The following DRC11 variants were observed in gnomAD, a reference collection of about 807,000 sequenced individuals.
DRC11 encodes dynein regulatory complex subunit 11.
the DRC11 span, among the ~76,000 whole-genome samples, chr2:236,452,293 G>T: frequency 6.6e-6 from 1 of 152,312 alleles, no homozygotes; most frequent in South Asian, 2.1e-4. The surrounding 1 kb of genome is among the most constrained non-coding windows in gnomAD (Gnocchi z 4.7). Flanking sequence ...CTACTACAAT[G>T]ATCAATCTTT....
At chr2:236,336,069 G>A in the DRC11 span, among the ~76,000 whole-genome samples, 1 of 152,128 alleles carries the variant, frequency 6.6e-6, no homozygotes, top group Non-Finnish European at 1.5e-5. The surrounding 1 kb of genome is among the most constrained non-coding windows in gnomAD (Gnocchi z 7.3). Flanking sequence ...GTTCATGGGG[G>A]ACGTTTTGAG....
chr2:236,394,756 C>T, the DRC11 span, among the ~76,000 whole-genome samples: 2 of 152,102 alleles, frequency 1.3e-5, no homozygotes, highest in Non-Finnish European at 2.9e-5. This position sits in a 1 kb window ranked among gnomAD's most constrained non-coding sequence, Gnocchi z 7.0. Context: ...GACTACGGCA[C>T]GGATGGCTCA....
chr2:236,336,356 A>C, the DRC11 span, among the ~76,000 whole-genome samples: 3 of 152,120 alleles, frequency 2.0e-5, no homozygotes, highest in Non-Finnish European at 2.9e-5. The surrounding 1 kb of genome is among the most constrained non-coding windows in gnomAD (Gnocchi z 7.3). Context: ...ACGTGATTGG[A>C]GAAGGAAGAA....
At chr2:236,340,370 C>T in the DRC11 span, among the ~76,000 whole-genome samples, 37 of 152,306 alleles carry the variant, frequency 2.4e-4, no homozygotes, top group East Asian at 4.1e-3. Flanking sequence ...GTGATCTGCC[C>T]GCTTCGGCCT....
the DRC11 span, among the ~76,000 whole-genome samples, chr2:236,409,982 T>G: frequency 1.3e-5 from 2 of 152,212 alleles, no homozygotes; most frequent in African/African-American, 4.8e-5. Context: ...CTGGATAAGC[T>G]TTTTGATGTG....
At chr2:236,447,853 G>A in the DRC11 span, among the ~76,000 whole-genome samples, 2 of 151,322 alleles carry the variant, frequency 1.3e-5, no homozygotes, top group East Asian at 1.9e-4. This position sits in a 1 kb window ranked among gnomAD's most constrained non-coding sequence, Gnocchi z 4.6. Context: ...TGCCTGTTGC[G>A]GCAATCTGAG....
the DRC11 span, chr2:236,454,878 C>T: frequency 3.3e-5 from 5 of 152,214 alleles, no homozygotes; most frequent in African/African-American, 1.2e-4. This position sits in a 1 kb window ranked among gnomAD's most constrained non-coding sequence, Gnocchi z 5.3. Context: ...AGGTTTTTAG[C>T]CAAGTTACCT....
At chr2:236,339,126 C>T in the DRC11 span, among the ~76,000 whole-genome samples, 5 of 152,150 alleles carry the variant, frequency 3.3e-5, no homozygotes, top group African/African-American at 4.8e-5. Context: ...CAAGCACAGT[C>T]GAGGCCATTT....
the DRC11 span, among the ~76,000 whole-genome samples, chr2:236,413,268 A>G: frequency 6.6e-6 from 1 of 152,250 alleles, no homozygotes; most frequent in Non-Finnish European, 1.5e-5. The surrounding 1 kb of genome is among the most constrained non-coding windows in gnomAD (Gnocchi z 4.0). Context: ...GAAAGTTTAC[A>G]AACAACTGCA....
chr2:236,500,115 T>C, the DRC11 span, among the ~76,000 whole-genome samples: 1 of 149,308 alleles, frequency 6.7e-6, no homozygotes, highest in Non-Finnish European at 1.5e-5. The surrounding 1 kb of genome is among the most constrained non-coding windows in gnomAD (Gnocchi z 6.3). Flanking sequence ...ATGATGATGA[T>C]GATGGCGAAG....
At chr2:236,415,641 G>A in the DRC11 span, among the ~76,000 whole-genome samples, 25 of 152,194 alleles carry the variant, frequency 1.6e-4, no homozygotes, top group African/African-American at 4.8e-4. The surrounding 1 kb of genome is among the most constrained non-coding windows in gnomAD (Gnocchi z 5.7). Flanking sequence ...TTCTGAAGGC[G>A]TTTCCCCTTC....
At chr2:236,314,972 G>A in the DRC11 span, among the ~76,000 whole-genome samples, 6 of 152,154 alleles carry the variant, frequency 3.9e-5, no homozygotes, top group Non-Finnish European at 8.8e-5. The surrounding 1 kb of genome is among the most constrained non-coding windows in gnomAD (Gnocchi z 4.5). Flanking sequence ...AGTGCAAAAT[G>A]TCAAGCATAT....
At chr2:236,486,019 AG>A in the DRC11 span, among the ~76,000 whole-genome samples, 2 of 152,186 alleles carry the variant, frequency 1.3e-5, no homozygotes, top group African/African-American at 4.8e-5. This position sits in a 1 kb window ranked among gnomAD's most constrained non-coding sequence, Gnocchi z 5.7. Context: ...GATAGGGCAA[AG>A]GTGATGGGAT....
the DRC11 span, among the ~76,000 whole-genome samples, chr2:236,311,032 T>A: frequency 2.6e-5 from 4 of 152,270 alleles, no homozygotes; most frequent in Admixed American, 2.6e-4. This position sits in a 1 kb window ranked among gnomAD's most constrained non-coding sequence, Gnocchi z 6.9. Context: ...GCTGTTTGAG[T>A]CAAGCGCCAA....
the DRC11 span, chr2:236,332,016 A>G: frequency 1.2e-5 from 2 of 164,130 alleles, no homozygotes; most frequent in African/African-American, 4.8e-5. The surrounding 1 kb of genome is among the most constrained non-coding windows in gnomAD (Gnocchi z 5.1). Context: ...TTTTAGATAT[A>G]AAGTTAATTT....
chr2:236,365,783 G>C, the DRC11 span, among the ~76,000 whole-genome samples: 1 of 152,094 alleles, frequency 6.6e-6, no homozygotes, highest in Non-Finnish European at 1.5e-5. This position sits in a 1 kb window ranked among gnomAD's most constrained non-coding sequence, Gnocchi z 7.4. Context: ...CCTCAGGGAG[G>C]ACAAAGGTGG....
At chr2:236,502,758 T>C in the DRC11 span, among the ~76,000 whole-genome samples, 1 of 151,572 alleles carries the variant, frequency 6.6e-6, no homozygotes, top group African/African-American at 2.4e-5. Flanking sequence ...AGTCACTATC[T>C]GCTCCTGTCT....
chr2:236,360,859 T>C, the DRC11 span, among the ~76,000 whole-genome samples: 2 of 152,166 alleles, frequency 1.3e-5, no homozygotes, highest in African/African-American at 2.4e-5. The surrounding 1 kb of genome is among the most constrained non-coding windows in gnomAD (Gnocchi z 5.8). Context: ...AGACCCATAT[T>C]AACAAAATGG....
chr2:236,484,317 C>T, the DRC11 span, among the ~76,000 whole-genome samples: 121 of 152,296 alleles, frequency 7.9e-4, no homozygotes, highest in Non-Finnish European at 1.3e-3. Flanking sequence ...TGATTCATGT[C>T]TTTTCCCCCT....
Sources: gnomAD v4.1 joint callset for allele counts (sites outside exome capture counted in the v4.1 genomes callset) on GRCh38, gnomAD v4.1.1 for gene constraint, Gnocchi (gnomAD v3.1) non-coding constraint, MANE v1.5 for transcripts, NCBI Gene and HGNC (gene_info 2026-07-23, HGNC 2026-07-21) for gene names.